The following SLC35B2 variants were observed in gnomAD, a reference collection of about 807,000 sequenced individuals.
SLC35B2 encodes solute carrier family 35 member B2.
SLC35B2 carries 19 observed loss-of-function variants against 37.9 expected under a neutral mutation model. That is an observed-to-expected ratio of 0.50 (90% confidence interval 0.35 to 0.74). SLC35B2 has a LOEUF of 0.74. Among genes scored for constraint, SLC35B2 ranks in the 30% least tolerant of loss-of-function variants. The pLI is 0.01. For synonymous variants in SLC35B2, 277 were observed against 225.2 expected (o/e 1.23, Z -2.06); for missense variants, 633 against 547.6 (o/e 1.16, Z -1.56).
At chr6:44,255,678 A>G in intron 3 of SLC35B2, 34 bp from the exon 4 acceptor site, 1 of 1,568,150 alleles carries the variant, frequency 6.4e-7, no homozygotes, top group Non-Finnish European at 8.7e-7. Context: ...GGAGACAATA[A>G]GCAAGATAAT....
upstream of SLC35B2, chr6:44,257,536 T>C: frequency 1.1e-6 from 1 of 918,434 alleles, no homozygotes; most frequent in Non-Finnish European, 1.4e-6. Flanking sequence ...AGTGCCGCGC[T>C]CTTCCCGCCT....
chr6:44,257,425 G>T lies in SLC35B2; in HGVS notation c.-15C>A, dbSNP rs764977872. ...CTGGCGTCCATGGTCCAGGCCGCGT[G>T]GGGTGGAGGGGGAACCGGGGAATGC... On this transcript the variant is annotated 5_prime_UTR_variant, in exon 1 of 4. Coordinates refer to ENST00000393812, the MANE Select transcript of SLC35B2 (RefSeq NM_178148.4). 152 of 1,257,374 alleles carry T rather than the reference G, an allele frequency of 1.2e-4. No individual in the cohort carries two copies. The highest frequency in any genetic ancestry group is 1.5e-4 in the Non-Finnish European group (149 of 993,890). 77.9% of individuals were successfully genotyped at this position (1,257,374 alleles called of 1,614,324 possible).
At chr6:44,257,362 G>C in intron 1 of SLC35B2, 38 bp downstream of exon 1, 1 of 1,324,080 alleles carries the variant, frequency 7.6e-7, no homozygotes, top group Non-Finnish European at 9.7e-7. Flanking sequence ...TGGCCCGGGG[G>C]CTCGGTCACG....
rs1219414685 is a variant in SLC35B2, at chr6:44,254,681, T to G, written c.*25A>C. 6.3e-7 allele frequency: 1 copy of G among 1,582,102 alleles called. No individual in the cohort carries two copies. Among genetic ancestry groups the G allele is most frequent in the East Asian group, 2.2e-5 (1 of 44,498 alleles). ...GGATGGTGGGAGGGTCCTATTTCACTTCACCCCTCAGGCCCTTTCCACCCT... is the reference window on the plus strand; with the variant it reads ...GGATGGTGGGAGGGTCCTATTTCACGTCACCCCTCAGGCCCTTTCCACCCT... On this transcript the variant is annotated 3_prime_UTR_variant, in exon 4 of 4. Coordinates refer to ENST00000393812, the MANE Select transcript of SLC35B2 (RefSeq NM_178148.4).
At position 44,254,677 on chromosome 6, in the gene SLC35B2, T is replaced by G; in HGVS notation, c.*29A>C. 1.3e-6 allele frequency: 2 copies of G among 1,577,116 alleles called. No individual in the cohort carries two copies. Among genetic ancestry groups the G allele is most frequent in the African/African-American group, 1.3e-5 (1 of 74,086 alleles). On this transcript the variant is annotated 3_prime_UTR_variant, in exon 4 of 4. Coordinates refer to ENST00000393812, the MANE Select transcript of SLC35B2 (RefSeq NM_178148.4). ...AAGGGGATGGTGGGAGGGTCCTATTTCACTTCACCCCTCAGGCCCTTTCCA... is the reference window on the plus strand; with the variant it reads ...AAGGGGATGGTGGGAGGGTCCTATTGCACTTCACCCCTCAGGCCCTTTCCA...
rs547053957 is a variant in SLC35B2 at position 44,254,727 on chromosome 6, C to G, written c.1278G>C (p.Glu426Asp). Residue 426 changes from glutamate (E) to aspartate (D), a missense_variant, in exon 4 of 4, where the codon GAG (glutamate) becomes GAC (aspartate). By Grantham distance (45) the Glu-to-Asp change is conservative. Transcript: ENST00000393812. ...KQRGKKAVPV[E>D]SPVQKV ...ACCCTCAAACCTTCTGCACAGGAGA[C>G]TCAACAGGCACAGCCTTCTTTCCCC... is the stretch of plus-strand genomic sequence containing the variant. 8.7e-6 allele frequency: 14 copies of G among 1,612,754 alleles called. No homozygotes were observed. In the South Asian group the frequency reaches 1.1e-4, roughly 13 times the overall value.
rs376277286 is a variant in SLC35B2, at chr6:44,256,809, A to G, written c.81T>C (p.Pro27=). 1 of 1,613,954 alleles carries G rather than the reference A, an allele frequency of 6.2e-7. No individual in the cohort carries two copies. Among genetic ancestry groups the G allele is most frequent in the Admixed American group, 1.7e-5 (1 of 60,006 alleles). ...ACCATAGCTGGGTCCATGACTCCGG[A>G]GGGGCTTCGGGAGTCTCCCCACCTG... is the stretch of plus-strand genomic sequence containing the variant. ...LGAGGETPEA[P]PESWTQLWFF... The change falls in exon 2 of 4, where the codon CCT becomes CCC. Residue 27 remains proline (P), a synonymous_variant. Transcript: ENST00000393812.
chr6:44,256,510 AC>A lies in SLC35B2; in HGVS notation c.206-15del, dbSNP rs762726522. On this transcript the variant is annotated splice_polypyrimidine_tract_variant and intron_variant, in intron 2 of 3. Coordinates refer to ENST00000393812, the MANE Select transcript of SLC35B2 (RefSeq NM_178148.4). ...AGAGGCCCCTACCTGAAGAAAGCACACAAAGTCAAGCCCCAAATCTTCTCCA... is the reference window on the plus strand; with the variant it reads ...AGAGGCCCCTACCTGAAGAAAGCACAAAAGTCAAGCCCCAAATCTTCTCCA... 1.9e-6 allele frequency: 3 copies of A among 1,614,184 alleles called. No individual in the cohort carries two copies. In the South Asian group the frequency reaches 3.3e-5, roughly 18 times the overall value.
At chr6:44,255,720 T>G in intron 3 of SLC35B2, 76 bp from the exon 4 acceptor site, 1 of 1,371,752 alleles carries the variant, frequency 7.3e-7, no homozygotes, top group Non-Finnish European at 9.9e-7. Flanking sequence ...CCTCTCTCTC[T>G]TCAGGATTAT....
In SLC35B2 at chr6:44,255,229, G is replaced by A. The variant is rs1198307072; in HGVS notation, c.776C>T (p.Pro259Leu). Residue 259 changes from proline to leucine, a missense_variant, in exon 4 of 4, where the codon CCA becomes CTA. Transcript: ENST00000393812. ...GVSMFLLSSG[P>L]EPRSSPATTL... Reference sequence around the variant, plus strand: ...GGTGGCTGGGGAGCTGCGGGGCTCTGGTCCGCTGGATAGCAGAAACATGCT... The same window carrying A: ...GGTGGCTGGGGAGCTGCGGGGCTCTAGTCCGCTGGATAGCAGAAACATGCT... The A allele has an allele frequency of 6.2e-7, 1 of 1,614,098 alleles. No homozygotes were observed. Among genetic ancestry groups the A allele is most frequent in the Non-Finnish European group, 8.5e-7 (1 of 1,180,034 alleles).
At chr6:44,255,747 G>T in intron 3 of SLC35B2, 103 bp from the exon 4 acceptor site, 1 of 1,126,934 alleles carries the variant, frequency 8.9e-7, no homozygotes, top group African/African-American at 1.6e-5. Context: ...GTGATTCAAA[G>T]GAAAATATAC....
chr6:44,256,855 G>C lies in SLC35B2; in HGVS notation c.35C>G (p.Ala12Gly). ...DARWWAVVVL[A>G]AFPSLGAGGE... ...ACCTGCCCCTAGGGAGGGGAACGCA[G>C]CCAGCACCACCACTGCCCACCATCT... is the stretch of plus-strand genomic sequence containing the variant. Residue 12 changes from alanine (A) to glycine (G), a missense_variant, in exon 2 of 4, where the codon GCT becomes GGT. Coordinates refer to ENST00000393812, the MANE Select transcript of SLC35B2 (RefSeq NM_178148.4). 2.5e-6 allele frequency: 4 copies of C among 1,610,448 alleles called. No homozygotes were observed. The highest frequency in any genetic ancestry group is 3.4e-6 in the Non-Finnish European group (4 of 1,178,376).
rs1344503873 is a variant in SLC35B2 at position 44,255,146 on chromosome 6, T to C, written c.859A>G (p.Asn287Asp). 1 of 1,614,208 alleles carries C rather than the reference T, an allele frequency of 6.2e-7. No individual in the cohort carries two copies. Among genetic ancestry groups the C allele is most frequent in the Admixed American group, 1.7e-5 (1 of 60,026 alleles). Residue 287 changes from asparagine (N) to aspartate (D), a missense_variant, in exon 4 of 4, where the codon AAC (asparagine) becomes GAC (aspartate). By Grantham distance (23) the Asn-to-Asp change is conservative (BLOSUM62 1). Coordinates refer to ENST00000393812, the MANE Select transcript of SLC35B2 (RefSeq NM_178148.4). ...TAGGCAAACAGGGCATCCTGCCAGT[T>C]TGAGGTGAAGCTGTCAAAAGCAATA... ...GYIAFDSFTSNWQDALFAYKM... is the reference protein window; with the variant it reads ...GYIAFDSFTSDWQDALFAYKM...
At position 44,254,732 on chromosome 6, in the gene SLC35B2, C is replaced by T; in HGVS notation, c.1273G>A (p.Val425Ile). The T allele has an allele frequency of 1.2e-6, 2 of 1,613,256 alleles. No homozygotes were observed. The highest frequency in any genetic ancestry group is 1.7e-6 in the Non-Finnish European group (2 of 1,179,328). ...LKQRGKKAVP[V>I]ESPVQKV ...CAAACCTTCTGCACAGGAGACTCAA[C>T]AGGCACAGCCTTCTTTCCCCGTTGC... Residue 425 changes from valine (V) to isoleucine (I), a missense_variant, in exon 4 of 4, where the codon GTT (valine) becomes ATT (isoleucine). By Grantham distance (29) the Val-to-Ile change is conservative (BLOSUM62 3). Transcript: ENST00000393812.
chr6:44,256,531 T>C lies in SLC35B2; in HGVS notation c.206-35A>G, dbSNP rs776836121. 5.6e-6 allele frequency: 9 copies of C among 1,613,622 alleles called. No homozygotes were observed. In the East Asian group the frequency reaches 1.6e-4, roughly 28 times the overall value. ...GCACACAAAGTCAAGCCCCAAATCT[T>C]CTCCATAGCACTTCATCTTCCCCAG... is the stretch of plus-strand genomic sequence containing the variant. On this transcript the variant is annotated intron_variant, in intron 2 of 3. Coordinates refer to ENST00000393812, the MANE Select transcript of SLC35B2 (RefSeq NM_178148.4).
chr6:44,254,428 A>AACCT lies in SLC35B2; in HGVS notation c.*274_*277dup. 2.5e-6 allele frequency: 1 copy of AACCT among 396,610 alleles called. No homozygotes were observed. Among genetic ancestry groups the AACCT allele is most frequent in the Non-Finnish European group, 4.5e-6 (1 of 221,694 alleles). 24.6% of individuals were successfully genotyped at this position (396,610 alleles called of 1,614,324 possible). On this transcript the variant is annotated 3_prime_UTR_variant, in exon 4 of 4. Coordinates refer to ENST00000393812, the MANE Select transcript of SLC35B2 (RefSeq NM_178148.4). ...GGGAACTTGTGGGAAGAGTAACTGG[A>AACCT]ACCTACCTATGCTCTCTTGACCCCA...
upstream of SLC35B2, chr6:44,257,529 GC>G: frequency 9.9e-7 from 1 of 1,012,400 alleles, no homozygotes; most frequent in Non-Finnish European, 1.3e-6. Flanking sequence ...CAGCGGAAGT[GC>G]CGCGCTCTTC....
Position 44,257,396 on chromosome 6 carries a change from C to T in SLC35B2, c.11+4G>A. 1 of 1,278,018 alleles carries T rather than the reference C, an allele frequency of 7.8e-7. No individual in the cohort carries two copies. The highest frequency in any genetic ancestry group is 1.0e-6 in the Non-Finnish European group (1 of 1,004,972). The allele number at this position is 1,278,018 out of a possible 1,614,324, so 79.2% of individuals were successfully genotyped here. ...CGTGAGCTCGCTGCTGCCCTAGCCC[C>T]CACCTGGCGTCCATGGTCCAGGCCG... On this transcript the variant is annotated splice_donor_region_variant and intron_variant, in intron 1 of 3. Transcript: ENST00000393812.
intron 1 of SLC35B2, chr6:44,257,130 A>T (rs1781625779): frequency 5.6e-6 from 3 of 533,020 alleles, no homozygotes; most frequent in Non-Finnish European, 9.4e-6. Context: ...TGTTCCCTCC[A>T]ACGCTAGCCG....
Sources: allele counts gnomAD v4.1 joint callset, GRCh38; gene constraint gnomAD v4.1.1; transcripts MANE v1.5; gene names NCBI Gene and HGNC (gene_info 2026-07-23, HGNC 2026-07-21).